The following GAS7 variants were observed in gnomAD, a reference collection of about 807,000 sequenced individuals.
GAS7 encodes the protein growth arrest-specific protein 7.
A neutral mutation model predicts 71.1 loss-of-function variants in GAS7; 28 were observed. The observed-to-expected ratio is 0.39, with a 90% CI of 0.29 to 0.54. The LOEUF (loss-of-function observed/expected upper bound fraction) is 0.54. Ranked by LOEUF, GAS7 falls within the 20% of genes least tolerant of loss-of-function variation. The pLI is 0.62. For missense variants in GAS7, 436 were observed against 627.8 expected (o/e 0.69, Z 3.27); for synonymous variants, 258 against 245.8 (o/e 1.05, Z -0.46).
intron 6 of GAS7, among the ~76,000 whole-genome samples, chr17:9,944,687 C>A (rs1411999519): frequency 6.6e-6 from 1 of 152,220 alleles, no homozygotes; most frequent in Admixed American, 6.5e-5. Flanking sequence ...TCCCTGATGA[C>A]AGGGAGATCA....
Position 9,968,343 on chromosome 17 carries a change from C to T in GAS7, c.471+1334G>A, listed in dbSNP as rs115576829. Among the ~76,000 whole-genome samples the T allele has an allele frequency of 1.0e-3, 156 of 152,292 alleles. 2 individuals carry two copies. Among genetic ancestry groups the T allele is most frequent in the African/African-American group, 3.5e-3 (146 of 41,556 alleles). The stretch of plus-strand genomic sequence containing the variant: ...GTGGTCCTCAGACCTACAGCATCAG[C>T]GTCACCTCGGAGCTGGCTGGAAACC... On this transcript the variant is annotated intron_variant, in intron 4 of 13. Transcript: ENST00000432992.
At chr17:9,998,005 G>A (rs775498994) in intron 2 of GAS7, among the ~76,000 whole-genome samples, 10 of 152,178 alleles carry the variant, frequency 6.6e-5, no homozygotes, top group Non-Finnish European at 1.0e-4. Context: ...TTCTTACGGG[G>A]GCTTCAGTAC....
intron 2 of GAS7, among the ~76,000 whole-genome samples, chr17:10,016,620 A>AAAAAAAAAAAAAAAAAAAAAAC (rs1567542577): frequency 7.6e-6 from 1 of 131,666 alleles, no homozygotes; most frequent in African/African-American, 3.1e-5. Context: ...AAAAAAAAAA[A>AAAAAAAAAAAAAAAAAAAAAAC]AAAACAAAAC....
At chr17:10,125,224 A>C (rs1048472438) in intron 1 of GAS7, among the ~76,000 whole-genome samples, 1 of 152,198 alleles carries the variant, frequency 6.6e-6, no homozygotes, top group Non-Finnish European at 1.5e-5. Context: ...AAATTTAAAA[A>C]AAATAGGTCA....
chr17:9,928,020 C>A (rs1402006272), intron 9 of GAS7, among the ~76,000 whole-genome samples: 4 of 151,996 alleles, frequency 2.6e-5, no homozygotes, highest in African/African-American at 4.8e-5. Context: ...TCTTTTATTC[C>A]TTCCCTCTTT....
chr17:10,036,422 A>G (rs565253779), intron 1 of GAS7: 1 of 1,601,450 alleles, frequency 6.2e-7, no homozygotes, highest in South Asian at 1.1e-5. Flanking sequence ...GGCAAGAAAA[A>G]TCAATTCTTA....
Position 10,024,470 on chromosome 17 carries a change from G to C in GAS7, c.184-4573C>G, listed in dbSNP as rs536842603. On this transcript the variant is annotated intron_variant, in intron 1 of 13. Coordinates refer to ENST00000432992, the MANE Select transcript of GAS7 (RefSeq NM_201433.2). ...CTGGAAGCAGAGGTGACACAGGCCC[G>C]GGGGCTGGGGACAGACCCCACCTGG... is the stretch of plus-strand genomic sequence containing the variant. Among the ~76,000 whole-genome samples, 20 of 152,284 alleles carry C rather than the reference G, an allele frequency of 1.3e-4. No homozygotes were observed. The South Asian group carries it at 4.1e-3, about 32-fold the overall frequency.
chr17:10,174,577 A>G (rs897209956), intron 1 of GAS7, among the ~76,000 whole-genome samples: 8 of 152,032 alleles, frequency 5.3e-5, no homozygotes, highest in Non-Finnish European at 2.9e-5. Flanking sequence ...CTGTAGTCCC[A>G]GCTACTCGGG....
rs963149830 is a variant in GAS7, at chr17:9,974,562, A to T, written c.386-4800T>A. ...CACTCATCTGTTTTTAAGATTTTTA[A>T]AAAGGGAACTAAAAGCTCTATCTAG... On this transcript the variant is annotated intron_variant, in intron 3 of 13. Coordinates refer to ENST00000432992, the MANE Select transcript of GAS7 (RefSeq NM_201433.2). This position sits in a 1 kb window ranked among gnomAD's most constrained non-coding sequence, Gnocchi z 4.0. 6.6e-6 allele frequency among the ~76,000 whole-genome samples: 1 copy of T among 152,218 alleles called. No homozygotes were observed. The highest frequency in any genetic ancestry group is 6.5e-5 in the Admixed American group (1 of 15,276).
intron 1 of GAS7, among the ~76,000 whole-genome samples, chr17:10,178,924 CG>C (rs1244278946): frequency 6.6e-6 from 1 of 151,714 alleles, no homozygotes; most frequent in East Asian, 1.9e-4. Flanking sequence ...TTGGAGGATC[CG>C]ATTATACGGC....
Position 9,994,745 on chromosome 17 carries a change from C to T in GAS7, c.305-12861G>A, listed in dbSNP as rs570944416. Among the ~76,000 whole-genome samples the T allele has an allele frequency of 3.7e-3, 563 of 151,156 alleles. 3 individuals carry two copies. The highest frequency in any genetic ancestry group is 0.027 in the Middle Eastern group (8 of 294). On this transcript the variant is annotated intron_variant, in intron 2 of 13. Transcript: ENST00000432992. ...ACTACCATCAGAGTGAACAGGCAAC[C>T]TACAAAATGGGAGAAAATTTTCACA...
intron 1 of GAS7, among the ~76,000 whole-genome samples, chr17:10,074,868 T>C (rs1420730891): frequency 4.6e-5 from 7 of 151,368 alleles, no homozygotes; most frequent in Non-Finnish European, 8.8e-5. Flanking sequence ...GTAAAAATTC[T>C]AAATAAACAT....
chr17:10,190,302 T>A (rs1277691616), intron 1 of GAS7, among the ~76,000 whole-genome samples: 1 of 152,158 alleles, frequency 6.6e-6, no homozygotes, highest in Admixed American at 6.6e-5. Context: ...GAAATGTTTC[T>A]GGCCGGGCGC....
chr17:10,003,755 GCCCCTTCTGCT>G (rs1000834760), intron 2 of GAS7, among the ~76,000 whole-genome samples: 1 of 152,148 alleles, frequency 6.6e-6, no homozygotes, highest in African/African-American at 2.4e-5. Context: ...CCATCTCAGT[GCCCCTTCTGCT>G]CCCCTTCTGC....
chr17:10,097,906 T>C (rs1228682856), intron 1 of GAS7, among the ~76,000 whole-genome samples: 1 of 151,652 alleles, frequency 6.6e-6, no homozygotes, highest in Non-Finnish European at 1.5e-5. Context: ...TAGCCACAGG[T>C]GGTGGCAGGC....
At position 9,975,047 on chromosome 17, in the gene GAS7, C is replaced by T. The variant is rs180675752; in HGVS notation, c.386-5285G>A. ...CTCTCTGGAATAAACATAGTAATTT[C>T]ACTCCTCAAAGTTAGGAAACCTGGT... is the stretch of plus-strand genomic sequence containing the variant. On this transcript the variant is annotated intron_variant, in intron 3 of 13. Coordinates refer to ENST00000432992, the MANE Select transcript of GAS7 (RefSeq NM_201433.2). Among the ~76,000 whole-genome samples, 408 of 152,344 alleles carry T rather than the reference C, an allele frequency of 2.7e-3. 3 individuals carry two copies. The highest frequency in any genetic ancestry group is 3.7e-3 in the Non-Finnish European group (254 of 68,030).
At chr17:9,966,380 G>A (rs551549913) in intron 4 of GAS7, among the ~76,000 whole-genome samples, 84 of 152,228 alleles carry the variant, frequency 5.5e-4, no homozygotes, top group African/African-American at 1.8e-3. Flanking sequence ...ATCACAACCG[G>A]GTTTTGAGAT....
At chr17:10,168,607 TC>T (rs1486004679) in intron 1 of GAS7, among the ~76,000 whole-genome samples, 1 of 152,162 alleles carries the variant, frequency 6.6e-6, no homozygotes. Flanking sequence ...ACCCATTTCT[TC>T]CCCCTGCAGG....
At chr17:9,979,239 C>T (rs966959255) in intron 3 of GAS7, among the ~76,000 whole-genome samples, 1 of 152,170 alleles carries the variant, frequency 6.6e-6, no homozygotes, top group African/African-American at 2.4e-5. Flanking sequence ...AGCACGGATA[C>T]ATCTGGGATC....
Sources: gnomAD v4.1 joint callset for allele counts (sites outside exome capture counted in the v4.1 genomes callset) on GRCh38, gnomAD v4.1.1 for gene constraint, Gnocchi (gnomAD v3.1) non-coding constraint, MANE v1.5 for transcripts, NCBI Gene and HGNC (gene_info 2026-07-23, HGNC 2026-07-21) for gene names.